The following ATP13A4 variants were observed in gnomAD, a reference collection of about 807,000 sequenced individuals.
ATP13A4 encodes the protein ATPase 13A4, also known as probable cation-transporting ATPase 13A4.
Under a neutral mutation model 142.5 loss-of-function variants are expected in ATP13A4, and 114 were observed. That is an observed-to-expected ratio of 0.80 (90% CI 0.69 to 0.93). ATP13A4 has a LOEUF of 0.93. ATP13A4 is among the 40% of genes least tolerant of loss of function. The probability of loss-of-function intolerance (pLI) is 0.00; values close to 1 mark genes in which losing one functional copy is unlikely to be tolerated. For missense variants in ATP13A4, 1,392 were observed against 1,454.0 expected, an observed-to-expected ratio of 0.96 and a Z score of 0.69; for synonymous variants, 488 against 514.8, an observed-to-expected ratio of 0.95 and a Z score of 0.70.
intron 8 of ATP13A4, among the ~76,000 whole-genome samples, chr3:193,473,402 TAGA>T (rs1303011724): frequency 1.3e-5 from 2 of 152,112 alleles, no homozygotes; most frequent in Admixed American, 6.5e-5. Flanking sequence ...CTAATTAATG[TAGA>T]AGGAGAGATA....
chr3:193,561,687 G>T (rs1171523521), intron 2 of ATP13A4, among the ~76,000 whole-genome samples: 1 of 152,164 alleles, frequency 6.6e-6, no homozygotes, highest in Non-Finnish European at 1.5e-5. Context: ...TGGCATCAGA[G>T]GGGATCTCTG....
chr3:193,564,401 A>G (rs1254930413), intron 2 of ATP13A4, among the ~76,000 whole-genome samples: 1 of 152,244 alleles, frequency 6.6e-6, no homozygotes, highest in African/African-American at 2.4e-5. Flanking sequence ...GTTTATCTCA[A>G]GGAACAGGAG....
chr3:193,555,183 G>A, upstream of ATP13A4: 2 of 350,262 alleles, frequency 5.7e-6, no homozygotes, highest in Admixed American at 7.7e-5. Context: ...TACAGAGTTG[G>A]CAGGACCCTT....
chr3:193,546,749 T>C (rs1723251110), intron 1 of ATP13A4, among the ~76,000 whole-genome samples: 1 of 152,206 alleles, frequency 6.6e-6, no homozygotes, highest in African/African-American at 2.4e-5. Context: ...AACCATTATT[T>C]AAGGCAAGGA....
chr3:193,436,903 G>A (rs1363603501), intron 23 of ATP13A4, among the ~76,000 whole-genome samples: 1 of 141,264 alleles, frequency 7.1e-6, no homozygotes, highest in East Asian at 2.0e-4. Flanking sequence ...AGGAGATCGA[G>A]ACCATCCCGG....
chr3:193,442,705 T>TG, intron 18 of ATP13A4, 149 bp from the exon 19 acceptor site: 1 of 774,456 alleles, frequency 1.3e-6, no homozygotes, highest in Non-Finnish European at 2.1e-6. Flanking sequence ...TGACCTTCTG[T>TG]GACTCCATGA....
At chr3:193,544,581 C>G (rs1723121721) in intron 1 of ATP13A4, among the ~76,000 whole-genome samples, 1 of 152,172 alleles carries the variant, frequency 6.6e-6, no homozygotes. Context: ...TTCTACAATA[C>G]AGGAATGCAT....
chr3:193,580,232 CT>C (rs1254204857), intron 2 of ATP13A4, among the ~76,000 whole-genome samples: 1 of 152,144 alleles, frequency 6.6e-6, no homozygotes, highest in East Asian at 1.9e-4. Context: ...TTAATTTTGT[CT>C]TCTCTAAATG....
intron 17 of ATP13A4, among the ~76,000 whole-genome samples, chr3:193,449,103 G>C (rs1315781250): frequency 6.6e-6 from 1 of 152,186 alleles, no homozygotes; most frequent in Non-Finnish European, 1.5e-5. Context: ...TCTCTATTCA[G>C]GTAAAGCTCA....
At chr3:193,415,017 ACT>A (rs1309209025) in intron 25 of ATP13A4, among the ~76,000 whole-genome samples, 1 of 152,064 alleles carries the variant, frequency 6.6e-6, no homozygotes, top group African/African-American at 2.4e-5. Context: ...GATGAAATAT[ACT>A]CTCTCATATA....
chr3:193,567,895 C>A (rs1224608881), intron 2 of ATP13A4, among the ~76,000 whole-genome samples: 1 of 152,188 alleles, frequency 6.6e-6, no homozygotes, highest in Non-Finnish European at 1.5e-5. Flanking sequence ...CCAGAATAGA[C>A]CTGCATGGTT....
intron 1 of ATP13A4, among the ~76,000 whole-genome samples, chr3:193,591,010 A>AT (rs565216794): frequency 1.6e-4 from 25 of 152,210 alleles, no homozygotes; most frequent in African/African-American, 5.3e-4. Flanking sequence ...TTTTTATGTG[A>AT]TTTTTTAAAA....
At chr3:193,499,862 A>AT (rs910734385) in intron 3 of ATP13A4, among the ~76,000 whole-genome samples, 1 of 152,210 alleles carries the variant, frequency 6.6e-6, no homozygotes, top group African/African-American at 2.4e-5. Context: ...ACATCTGTAG[A>AT]TGAACGCAGC....
At chr3:193,404,558 G>C (rs151076613) in intron 29 of ATP13A4, among the ~76,000 whole-genome samples, 1 of 152,126 alleles carries the variant, frequency 6.6e-6, no homozygotes, top group East Asian at 1.9e-4. Context: ...TGCTGTTTTC[G>C]TGATAGTGAG....
upstream of ATP13A4, among the ~76,000 whole-genome samples, chr3:193,555,408 T>C (rs1723846990): frequency 6.6e-6 from 1 of 152,232 alleles, no homozygotes; most frequent in East Asian, 1.9e-4. Flanking sequence ...TAATCACATT[T>C]CCTTGTATAT....
In ATP13A4 at chr3:193,471,084, C is replaced by G; in HGVS notation, c.809-91G>C. 1.9e-6 allele frequency: 3 copies of G among 1,542,266 alleles called. 1 individual carries two copies. The Admixed American group carries it at 5.0e-5, about 26-fold the overall frequency. On this transcript the variant is annotated intron_variant, in intron 8 of 29. Transcript: ENST00000342695. ...TTTAACTTGGATATCAATGAAAAAG[C>G]AACCAAGACATTTTTTTTTTAGAAA...
chr3:193,580,293 C>T (rs898307445), intron 2 of ATP13A4, among the ~76,000 whole-genome samples: 2 of 152,110 alleles, frequency 1.3e-5, no homozygotes, highest in African/African-American at 4.8e-5. Flanking sequence ...GACAGTAAGT[C>T]CCATTGTCCT....
chr3:193,420,101 A>G (rs561171562), intron 25 of ATP13A4, among the ~76,000 whole-genome samples: 1 of 149,830 alleles, frequency 6.7e-6, no homozygotes, highest in African/African-American at 2.5e-5. Flanking sequence ...AAGGAGAAAA[A>G]TCCTGAACCT....
At chr3:193,586,959 C>T (rs1015859723) in intron 1 of ATP13A4, among the ~76,000 whole-genome samples, 2 of 152,140 alleles carry the variant, frequency 1.3e-5, no homozygotes, top group African/African-American at 4.8e-5. Context: ...TCTTCTATTC[C>T]AGGAACACAG....
Sources: allele counts gnomAD v4.1 joint callset (sites outside exome capture counted in the v4.1 genomes callset), GRCh38; gene constraint gnomAD v4.1.1; transcripts MANE v1.5; gene names NCBI Gene and HGNC (gene_info 2026-07-23, HGNC 2026-07-21).